The following GNAS variants were observed in gnomAD, a reference collection of about 807,000 sequenced individuals.
The protein encoded by GNAS is protein ALEX.
Under a neutral mutation model 54.5 loss-of-function variants are expected in GNAS, and 8 were observed. That is an observed-to-expected ratio of 0.15 (90% CI 0.09 to 0.26). The LOEUF is 0.26. Among genes scored for constraint, GNAS ranks in the 10% least tolerant of loss-of-function variants. The probability of loss-of-function intolerance (pLI) is 1.00; values close to 1 mark genes in which losing one functional copy is unlikely to be tolerated. For synonymous variants in GNAS, 204 were observed against 191.4 expected (o/e 1.07, Z -0.54); for missense variants, 170 against 529.8 (o/e 0.32, Z 6.67).
chr20:58,896,445 G>A lies in GNAS; in HGVS notation c.212+761G>A, dbSNP rs187381005. Among the ~76,000 whole-genome samples, 21 of 152,098 alleles carry A rather than the reference G, an allele frequency of 1.4e-4. No individual in the cohort carries two copies. The East Asian group carries it at 3.5e-3, about 25-fold the overall frequency. ...CTGGTATAGCACAATGTGGCAATCC[G>A]TAGTGGGAATGAAGATTAAACAGGA... On this transcript the variant is annotated intron_variant, in intron 2 of 12. Coordinates refer to ENST00000371085, the MANE Select transcript of GNAS (RefSeq NM_000516.7).
chr20:58,853,921 C>T lies in GNAS; in HGVS notation c.43+13035C>T. On this transcript the variant is annotated intron_variant, in intron 1 of 12. Coordinates refer to the GNAS transcript ENST00000306090. The surrounding 1 kb of genome is among the most constrained non-coding windows in gnomAD (Gnocchi z 4.4). ...GGCTCCAGAGGAGGCTACAGCCCTC[C>T]CCCTGAGGAGACTATGCCATTTGAG... is the stretch of plus-strand genomic sequence containing the variant. 5.6e-6 allele frequency: 9 copies of T among 1,610,268 alleles called. No homozygotes were observed. The highest frequency in any genetic ancestry group is 7.6e-6 in the Non-Finnish European group (9 of 1,178,744).
chr20:58,891,882 G>A lies in GNAS; in HGVS notation c.139+17G>A. On this transcript the variant is annotated intron_variant, in intron 1 of 12. Coordinates refer to ENST00000371085, the MANE Select transcript of GNAS (RefSeq NM_000516.7). ...TGCTGCTGGGTAAGGGCGGGCGGGGGGCGCCGGCCCCGGCCCGGGGGCCCT... is the reference window on the plus strand; with the variant it reads ...TGCTGCTGGGTAAGGGCGGGCGGGGAGCGCCGGCCCCGGCCCGGGGGCCCT... 1 of 1,155,454 alleles carries A rather than the reference G, an allele frequency of 8.7e-7. No individual in the cohort carries two copies. The highest frequency in any genetic ancestry group is 1.1e-6 in the Non-Finnish European group (1 of 907,118). 71.6% of individuals were successfully genotyped at this position (1,155,454 alleles called of 1,614,324 possible).
chr20:58,850,526 T>C (rs902642015), intron 1 of GNAS: 53 of 398,670 alleles, frequency 1.3e-4, no homozygotes, highest in African/African-American at 1.0e-3. Flanking sequence ...CAATGTCTAC[T>C]GACCTTCCAC....
upstream of GNAS, chr20:58,839,786 A>C (rs2085652531): frequency 3.5e-6 from 2 of 569,202 alleles, no homozygotes; most frequent in Admixed American, 3.4e-5. Context: ...GGACCGGCGG[A>C]GGCACCTCTC....
upstream of GNAS, among the ~76,000 whole-genome samples, chr20:58,890,287 A>AGGGCGCCGAGGAGGGCGCCGTCGG (rs3833327): frequency 6.6e-5 from 10 of 150,560 alleles, no homozygotes; most frequent in East Asian, 2.0e-4. Context: ...GACGACGACG[A>AGGGCGCCGAGGAGGGCGCCGTCGG]GGGCGCCGAG....
At chr20:58,860,996 T>A (rs1277258129) in intron 1 of GNAS, among the ~76,000 whole-genome samples, 1 of 152,158 alleles carries the variant, frequency 6.6e-6, no homozygotes, top group African/African-American at 2.4e-5. Context: ...ATAAATTTAT[T>A]TTTAGAGAAG....
chr20:58,851,194 G>A (rs913826124), intron 1 of GNAS, among the ~76,000 whole-genome samples: 4 of 152,240 alleles, frequency 2.6e-5, no homozygotes, highest in African/African-American at 4.8e-5. Context: ...ACGTTTCCCA[G>A]GGTCCAACTG....
intron 1 of GNAS, chr20:58,895,329 A>T (rs2089942901): frequency 4.5e-6 from 2 of 445,242 alleles, no homozygotes; most frequent in Non-Finnish European, 8.4e-6. Context: ...CCTTTCCAAC[A>T]CCACCCCACA....
At chr20:58,842,192 G>T in intron 1 of GNAS, 1 of 398,600 alleles carries the variant, frequency 2.5e-6, no homozygotes, top group South Asian at 1.3e-4. Flanking sequence ...CCTTCGGAAG[G>T]GAAGGCGTGC....
chr20:58,874,967 TA>T (rs1309301398), intron 1 of GNAS, among the ~76,000 whole-genome samples: 3 of 152,380 alleles, frequency 2.0e-5, no homozygotes, highest in Non-Finnish European at 4.4e-5. Context: ...ACCCTTGAAA[TA>T]ATATGTCTTA....
intron 1 of GNAS, among the ~76,000 whole-genome samples, chr20:58,893,066 C>CTTTTTTTTTTTTTTT (rs869179421): frequency 3.9e-5 from 4 of 103,094 alleles, no homozygotes; most frequent in African/African-American, 8.2e-5. Flanking sequence ...GGCGTGGTTT[C>CTTTTTTTTTTTTTTT]TTTTTTTTTT....
At chr20:58,887,843 T>C (rs1244518001), upstream of GNAS, among the ~76,000 whole-genome samples, 2 of 152,176 alleles carry the variant, frequency 1.3e-5, no homozygotes, top group African/African-American at 4.8e-5. Flanking sequence ...AGAGGCCTTG[T>C]ACAATGGGGG....
chr20:58,872,315 A>G (rs1457842093), intron 1 of GNAS, among the ~76,000 whole-genome samples: 1 of 152,152 alleles, frequency 6.6e-6, no homozygotes, highest in East Asian at 1.9e-4. Context: ...TTTGTTTTAG[A>G]AAGTCTGGCA....
Position 58,911,030 on chromosome 20 carries a change from GAAAAAGGA to G in GNAS, c.*209_*216del. On this transcript the variant is annotated 3_prime_UTR_variant, in exon 13 of 13. Transcript: ENST00000371085. ...TTTAGAAAGCTTAAGGCGGCCTACA[GAAAAAGGA>G]AAAAAGGCCACAAAAGTTCCCTCTC... 1.5e-6 allele frequency: 1 copy of G among 686,682 alleles called. No homozygotes were observed. Among genetic ancestry groups the G allele is most frequent in the Non-Finnish European group, 2.6e-6 (1 of 380,032 alleles). 42.5% of individuals were successfully genotyped at this position (686,682 alleles called of 1,614,324 possible).
chr20:58,848,778 G>T (rs1479872005), intron 1 of GNAS: 13 of 397,406 alleles, frequency 3.3e-5, no homozygotes, highest in Non-Finnish European at 5.8e-5. Context: ...GGTCCCTGTG[G>T]CCTTGCAGGT....
chr20:58,851,437 A>T (rs1306027396), intron 1 of GNAS, among the ~76,000 whole-genome samples: 1 of 152,126 alleles, frequency 6.6e-6, no homozygotes, highest in Non-Finnish European at 1.5e-5. Flanking sequence ...AGGGTTCTGC[A>T]GGTCAGATGA....
chr20:58,888,352 C>G (rs1305694059), upstream of GNAS: 1 of 152,152 alleles, frequency 6.6e-6, no homozygotes, highest in Non-Finnish European at 1.5e-5. Flanking sequence ...CGTATCCCAG[C>G]AGACACCATG....
chr20:58,865,934 C>A lies in GNAS; in HGVS notation c.43+25048C>A, dbSNP rs546782952. Among the ~76,000 whole-genome samples, 22 of 152,262 alleles carry A rather than the reference C, an allele frequency of 1.4e-4. No homozygotes were observed. In the East Asian group the frequency reaches 2.5e-3, roughly 17 times the overall value. On this transcript the variant is annotated intron_variant, in intron 1 of 12. Coordinates refer to the GNAS transcript ENST00000306090. Reference sequence around the variant, plus strand: ...TGATCACATCTTCCACTTAGGGTTTCTTAAGGATGCCTTTTCCTGTAGCAG... The same window carrying A: ...TGATCACATCTTCCACTTAGGGTTTATTAAGGATGCCTTTTCCTGTAGCAG...
chr20:58,853,581 G>C lies in GNAS; in HGVS notation c.43+12695G>C, dbSNP rs1478874772. 1 of 1,613,254 alleles carries C rather than the reference G, an allele frequency of 6.2e-7. No homozygotes were observed. Among genetic ancestry groups the C allele is most frequent in the South Asian group, 1.1e-5 (1 of 91,088 alleles). On this transcript the variant is annotated intron_variant, in intron 1 of 12. Coordinates refer to the GNAS transcript ENST00000306090. The surrounding 1 kb of genome is among the most constrained non-coding windows in gnomAD (Gnocchi z 4.4). ...TCCTGAGGAAGCAATGCCCTTCGAG[G>C]CTGAACAGCCCAGCTTGGGAGGCTT...
Sources: allele counts gnomAD v4.1 joint callset (sites outside exome capture counted in the v4.1 genomes callset), GRCh38; gene constraint gnomAD v4.1.1; non-coding constraint Gnocchi (gnomAD v3.1); transcripts MANE v1.5; gene names NCBI Gene and HGNC (gene_info 2026-07-23, HGNC 2026-07-21).